STXBP5L: variants seen among roughly 807,000 people sequenced by gnomAD.
STXBP5L encodes the protein syntaxin binding protein 5L.
A neutral mutation model predicts 144.5 loss-of-function variants in STXBP5L; 65 were observed. The ratio of observed to expected loss-of-function variants is 0.45; its 90% CI spans 0.37 to 0.55. STXBP5L has a LOEUF of 0.55. Ranked by LOEUF, STXBP5L falls within the 20% of genes least tolerant of loss-of-function variation. STXBP5L has a pLI of 0.00. For missense variants in STXBP5L, 1,298 were observed against 1,405.5 expected (o/e 0.92, Z 1.22); for synonymous variants, 505 against 469.6 (o/e 1.08, Z -0.97).
At chr3:121,367,790 C>CTTTTTTTTTTTTTTTTTTTTTTTTTT (rs200992044) in intron 20 of STXBP5L, among the ~76,000 whole-genome samples, 1 of 106,304 alleles carries the variant, frequency 9.4e-6, no homozygotes, top group African/African-American at 3.8e-5. Flanking sequence ...TTTGCTTTTC[C>CTTTTTTTTTTTTTTTTTTTTTTTTTT]TTTTTTTTTT....
chr3:120,954,102 T>C (rs928906082), intron 2 of STXBP5L, among the ~76,000 whole-genome samples: 4 of 152,138 alleles, frequency 2.6e-5, no homozygotes, highest in African/African-American at 9.7e-5. Context: ...CACCCAGGTA[T>C]CTATATTATT....
At position 121,373,828 on chromosome 3, in the gene STXBP5L, A is replaced by T. The variant is rs774017959; in HGVS notation, c.2177-4888A>T. Among the ~76,000 whole-genome samples, 138 of 152,042 alleles carry T rather than the reference A, an allele frequency of 9.1e-4. 1 individual carries two copies. The highest frequency in any genetic ancestry group is 1.7e-3 in the Non-Finnish European group (118 of 67,986). ...GCAGACTGGTCCTACTGGCCTGATG[A>T]CACCACCAGTCTCTGTGCACTCCAC... On this transcript the variant is annotated intron_variant, in intron 20 of 26. Transcript: ENST00000471454.
intron 3 of STXBP5L, among the ~76,000 whole-genome samples, chr3:121,029,454 G>T (rs944318620): frequency 6.6e-6 from 1 of 152,108 alleles, no homozygotes; most frequent in Non-Finnish European, 1.5e-5. Flanking sequence ...TTTATAAATG[G>T]TGTTGGGAAA....
At chr3:120,974,202 T>G (rs1576534706) in intron 3 of STXBP5L, among the ~76,000 whole-genome samples, 1 of 152,140 alleles carries the variant, frequency 6.6e-6, no homozygotes, top group Admixed American at 6.6e-5. Context: ...CTCTAGCACC[T>G]GTTGTTTCCT....
At position 121,417,898 on chromosome 3, in the gene STXBP5L, CAGAA is replaced by C. The variant is rs1436533280; in HGVS notation, c.3227-435_3227-432del. On this transcript the variant is annotated intron_variant, in intron 25 of 26. Coordinates refer to ENST00000471454, the MANE Select transcript of STXBP5L (RefSeq NM_001308330.2). Reference sequence around the variant, plus strand: ...CAGTATTTACAGAGAGAGAGAGAGACAGAAAGAGAGAGAAAGAGAACCTGTGGCC... The same window carrying C: ...CAGTATTTACAGAGAGAGAGAGAGACAGAGAGAGAAAGAGAACCTGTGGCC... 2.6e-5 allele frequency among the ~76,000 whole-genome samples: 4 copies of C among 151,742 alleles called. No individual in the cohort carries two copies. The East Asian group carries it at 7.7e-4, about 29-fold the overall frequency.
At position 121,197,885 on chromosome 3, in the gene STXBP5L, C is replaced by T. The variant is rs145283381; in HGVS notation, c.878-8038C>T. 4.6e-5 allele frequency among the ~76,000 whole-genome samples: 7 copies of T among 152,272 alleles called. No individual in the cohort carries two copies. In the East Asian group the frequency reaches 1.4e-3, roughly 29 times the overall value. On this transcript the variant is annotated intron_variant, in intron 9 of 26. Transcript: ENST00000471454. ...GTATATGTGCCGCATTTTCTTAATC[C>T]AGTCTATCACTGATGGACATTTGGG...
chr3:121,022,722 A>G (rs1428822709), intron 3 of STXBP5L, among the ~76,000 whole-genome samples: 1 of 152,186 alleles, frequency 6.6e-6, no homozygotes, highest in Non-Finnish European at 1.5e-5. Context: ...CTTTATGATT[A>G]AAACCCTCAG....
At chr3:121,152,887 C>G (rs2045979774) in intron 8 of STXBP5L, among the ~76,000 whole-genome samples, 1 of 152,042 alleles carries the variant, frequency 6.6e-6, no homozygotes, top group Non-Finnish European at 1.5e-5. Flanking sequence ...AACTGCTTTT[C>G]CTTTCTGTAG....
At chr3:121,060,928 G>T (rs1282858717) in intron 5 of STXBP5L, among the ~76,000 whole-genome samples, 1 of 152,062 alleles carries the variant, frequency 6.6e-6, no homozygotes, top group Non-Finnish European at 1.5e-5. Flanking sequence ...CCAGCTCCTG[G>T]ATTTATTGAT....
chr3:121,255,153 A>C, intron 16 of STXBP5L, 41 bp downstream of exon 16: 2 of 1,450,272 alleles, frequency 1.4e-6, no homozygotes, highest in Non-Finnish European at 1.9e-6. Flanking sequence ...TACAGTTATT[A>C]AAAGAAAGCT....
At chr3:121,322,151 A>T (rs559537115) in intron 20 of STXBP5L, among the ~76,000 whole-genome samples, 1 of 152,220 alleles carries the variant, frequency 6.6e-6, no homozygotes, top group African/African-American at 2.4e-5. Context: ...TAGGGTAATG[A>T]CTTCCATCCA....
intron 21 of STXBP5L, among the ~76,000 whole-genome samples, chr3:121,379,720 A>T (rs1295370587): frequency 1.3e-5 from 2 of 152,192 alleles, no homozygotes; most frequent in African/African-American, 4.8e-5. Context: ...GGTGTCTGTG[A>T]GTATCAACTT....
chr3:121,169,128 C>T (rs772124207), intron 9 of STXBP5L, among the ~76,000 whole-genome samples: 1 of 152,206 alleles, frequency 6.6e-6, no homozygotes, highest in African/African-American at 2.4e-5. Context: ...CACTTACAGA[C>T]AAGCAAATGC....
chr3:121,144,632 A>G (rs1013626181), intron 7 of STXBP5L, among the ~76,000 whole-genome samples: 1 of 151,930 alleles, frequency 6.6e-6, no homozygotes, highest in Non-Finnish European at 1.5e-5. Context: ...TATACAAGAG[A>G]ATTGAAATCA....
At chr3:121,353,676 A>G (rs1576263649) in intron 20 of STXBP5L, among the ~76,000 whole-genome samples, 2 of 152,030 alleles carry the variant, frequency 1.3e-5, no homozygotes, top group South Asian at 2.1e-4. Flanking sequence ...TTGTGTCTTT[A>G]TCTCTTTCAG....
intron 2 of STXBP5L, among the ~76,000 whole-genome samples, chr3:120,922,085 A>G (rs1399852839): frequency 1.3e-5 from 2 of 151,978 alleles, no homozygotes; most frequent in Non-Finnish European, 2.9e-5. Flanking sequence ...TAATTTTTCC[A>G]GTTCATGAGT....
chr3:120,910,922 A>G (rs986226757), intron 2 of STXBP5L, among the ~76,000 whole-genome samples: 7 of 152,104 alleles, frequency 4.6e-5, no homozygotes, highest in African/African-American at 1.4e-4. Flanking sequence ...TTTTTCCTCA[A>G]TAGGAAATAA....
At chr3:121,201,027 C>T (rs890481031) in intron 9 of STXBP5L, among the ~76,000 whole-genome samples, 1 of 152,146 alleles carries the variant, frequency 6.6e-6, no homozygotes, top group Admixed American at 6.6e-5. Context: ...AGTTCAAGTC[C>T]TGAATATCCT....
chr3:121,402,503 A>G (rs964476928), intron 22 of STXBP5L, among the ~76,000 whole-genome samples: 6 of 152,078 alleles, frequency 3.9e-5, no homozygotes, highest in African/African-American at 9.7e-5. Flanking sequence ...GTCAAGCTCT[A>G]TAATGCTTTT....
Sources: gnomAD v4.1 joint callset for allele counts (sites outside exome capture counted in the v4.1 genomes callset) on GRCh38, gnomAD v4.1.1 for gene constraint, MANE v1.5 for transcripts, NCBI Gene and HGNC (gene_info 2026-07-23, HGNC 2026-07-21) for gene names.